The following CCSER1 variants were observed in gnomAD, a reference collection of about 807,000 sequenced individuals.
CCSER1 encodes coiled-coil serine rich protein 1, also known as serine-rich coiled-coil domain-containing protein 1.
Under a neutral mutation model 82.0 loss-of-function variants are expected in CCSER1, and 41 were observed. That is an observed-to-expected ratio of 0.50 (90% CI 0.39 to 0.65). CCSER1 has a LOEUF of 0.65. Ranked by LOEUF, CCSER1 falls within the 30% of genes least tolerant of loss-of-function variation. CCSER1 has a pLI of 0.00. For synonymous variants in CCSER1, 414 were observed against 383.9 expected (o/e 1.08, Z -0.92); for missense variants, 1,119 against 1,064.2 (o/e 1.05, Z -0.72).
At chr4:90,325,525 G>T (rs1056908650) in intron 3 of CCSER1, 16 of 238,518 alleles carry the variant, frequency 6.7e-5, no homozygotes, top group Non-Finnish European at 1.1e-4. Flanking sequence ...CAACTGCTTT[G>T]TTCCTTATTT....
At chr4:90,791,752 T>C (rs1275900846) in intron 7 of CCSER1, among the ~76,000 whole-genome samples, 1 of 150,098 alleles carries the variant, frequency 6.7e-6, no homozygotes, top group African/African-American at 2.5e-5. Context: ...AACCTGGGAG[T>C]TGGAGCTTGT....
intron 5 of CCSER1, among the ~76,000 whole-genome samples, chr4:90,627,766 G>T (rs1374075706): frequency 6.6e-6 from 1 of 152,040 alleles, no homozygotes; most frequent in African/African-American, 2.4e-5. Flanking sequence ...GGATCACGAG[G>T]TCAGGAGATT....
chr4:90,411,133 T>C (rs1754707417), intron 4 of CCSER1, among the ~76,000 whole-genome samples: 1 of 152,122 alleles, frequency 6.6e-6, no homozygotes, highest in African/African-American at 2.4e-5. Flanking sequence ...CAATAATTAA[T>C]AGCCTACCAA....
At chr4:91,460,496 G>A (rs1756443753) in intron 10 of CCSER1, among the ~76,000 whole-genome samples, 1 of 152,090 alleles carries the variant, frequency 6.6e-6, no homozygotes, top group African/African-American at 2.4e-5. Context: ...CCTGTACCCA[G>A]GAAGAAGAGA....
At chr4:91,529,625 T>A (rs1316613809) in intron 10 of CCSER1, among the ~76,000 whole-genome samples, 1 of 152,080 alleles carries the variant, frequency 6.6e-6, no homozygotes, top group Non-Finnish European at 1.5e-5. Flanking sequence ...CTTTTTCTTT[T>A]TCCTTTTTAC....
intron 9 of CCSER1, among the ~76,000 whole-genome samples, chr4:91,035,716 G>A (rs1457343397): frequency 6.6e-6 from 1 of 152,042 alleles, no homozygotes; most frequent in East Asian, 1.9e-4. Context: ...TTTCTAAACA[G>A]CCAACTCAAT....
At chr4:90,554,445 T>C (rs984532263) in intron 5 of CCSER1, among the ~76,000 whole-genome samples, 2 of 152,226 alleles carry the variant, frequency 1.3e-5, no homozygotes, top group African/African-American at 2.4e-5. Context: ...TGTGATTCAA[T>C]TTACCTTTAA....
At chr4:90,964,171 G>C (rs1223757567) in intron 9 of CCSER1, among the ~76,000 whole-genome samples, 1 of 152,102 alleles carries the variant, frequency 6.6e-6, no homozygotes, top group Non-Finnish European at 1.5e-5. Flanking sequence ...CAATGCAGTT[G>C]CTTAAAGTTT....
At chr4:91,544,284 A>G (rs1332299738) in intron 10 of CCSER1, among the ~76,000 whole-genome samples, 3 of 152,224 alleles carry the variant, frequency 2.0e-5, no homozygotes, top group East Asian at 1.9e-4. Flanking sequence ...GTTACTACCA[A>G]TCGTCTGAAG....
chr4:90,730,265 T>C (rs1164382210), intron 7 of CCSER1, among the ~76,000 whole-genome samples: 1 of 152,238 alleles, frequency 6.6e-6, no homozygotes, highest in Non-Finnish European at 1.5e-5. Flanking sequence ...CTCATTTTTG[T>C]GTGTGTATGA....
intron 5 of CCSER1, among the ~76,000 whole-genome samples, chr4:90,548,454 C>T (rs915706832): frequency 2.6e-5 from 4 of 151,926 alleles, no homozygotes; most frequent in African/African-American, 4.8e-5. Context: ...TTTCAAAGGA[C>T]GCAAGGAAAG....
intron 9 of CCSER1, among the ~76,000 whole-genome samples, chr4:91,029,668 A>ATAGT (rs953613808): frequency 1.3e-5 from 2 of 152,082 alleles, no homozygotes; most frequent in Non-Finnish European, 2.9e-5. Flanking sequence ...CTGCTCCTTA[A>ATAGT]TAGTTGTACA....
intron 5 of CCSER1, among the ~76,000 whole-genome samples, chr4:90,622,761 T>C (rs956908398): frequency 6.6e-6 from 1 of 152,148 alleles, no homozygotes; most frequent in African/African-American, 2.4e-5. Context: ...GCATGATTTA[T>C]AATCCTTTGG....
chr4:90,645,395 A>ATTTGTAG (rs1420309721), intron 6 of CCSER1, among the ~76,000 whole-genome samples: 4 of 152,192 alleles, frequency 2.6e-5, no homozygotes, highest in African/African-American at 7.2e-5. Context: ...CGTAGCTTCT[A>ATTTGTAG]TTTGAAGCCA....
At chr4:90,421,511 A>G (rs1047966174) in intron 4 of CCSER1, among the ~76,000 whole-genome samples, 27 of 152,162 alleles carry the variant, frequency 1.8e-4, no homozygotes, top group African/African-American at 6.3e-4. Context: ...GAGGTAAGGG[A>G]AAAACGCTAC....
At chr4:91,447,517 A>C (rs910442269) in intron 10 of CCSER1, among the ~76,000 whole-genome samples, 1 of 152,130 alleles carries the variant, frequency 6.6e-6, no homozygotes, top group Non-Finnish European at 1.5e-5. Flanking sequence ...CTACTATTAT[A>C]GCAATGTTGC....
At chr4:90,265,076 A>G (rs543811511) in intron 1 of CCSER1, among the ~76,000 whole-genome samples, 20 of 152,090 alleles carry the variant, frequency 1.3e-4, no homozygotes, top group Admixed American at 9.2e-4. Context: ...TGTATTATAT[A>G]TAATCTTTAA....
At chr4:90,573,363 G>A (rs1202703201) in intron 5 of CCSER1, among the ~76,000 whole-genome samples, 1 of 152,210 alleles carries the variant, frequency 6.6e-6, no homozygotes, top group Non-Finnish European at 1.5e-5. Flanking sequence ...CCTGGAATAT[G>A]GGACTATAGG....
intron 10 of CCSER1, among the ~76,000 whole-genome samples, chr4:91,122,537 A>G (rs1285712998): frequency 1.3e-5 from 2 of 151,762 alleles, no homozygotes; most frequent in Non-Finnish European, 3.0e-5. Context: ...TCCTATTTTT[A>G]AAATGATGCA....
Sources: allele counts gnomAD v4.1 joint callset (sites outside exome capture counted in the v4.1 genomes callset), GRCh38; gene constraint gnomAD v4.1.1; transcripts MANE v1.5; gene names NCBI Gene and HGNC (gene_info 2026-07-23, HGNC 2026-07-21).